PHF2: variants seen among roughly 807,000 people sequenced by gnomAD.
PHF2 encodes the protein lysine-specific demethylase PHF2.
PHF2 carries 27 observed loss-of-function variants against 120.5 expected under a neutral mutation model. The ratio of observed to expected loss-of-function variants is 0.22; its 90% confidence interval spans 0.17 to 0.31. The LOEUF (loss-of-function observed/expected upper bound fraction) is 0.31. Ranked by LOEUF, PHF2 falls within the 10% of genes least tolerant of loss-of-function variation. PHF2 has a pLI of 1.00. For missense variants in PHF2, 1,024 were observed against 1,434.8 expected (o/e 0.71, Z 4.63); for synonymous variants, 568 against 592.5 (o/e 0.96, Z 0.60).
intron 1 of PHF2, among the ~76,000 whole-genome samples, chr9:93,604,461 TTTTC>T (rs1825502268): frequency 6.6e-6 from 1 of 151,502 alleles, no homozygotes. Flanking sequence ...AATTTCTTTA[TTTTC>T]TTTCTTTTTT....
At chr9:93,639,154 T>A (rs1302756120) in intron 3 of PHF2, among the ~76,000 whole-genome samples, 1 of 152,256 alleles carries the variant, frequency 6.6e-6, no homozygotes, top group Non-Finnish European at 1.5e-5. Context: ...AATCTGTAGA[T>A]CACTCTGCAG....
intron 1 of PHF2, among the ~76,000 whole-genome samples, chr9:93,609,801 A>G (rs1384840285): frequency 2.6e-5 from 4 of 151,972 alleles, no homozygotes; most frequent in Admixed American, 1.3e-4. Context: ...GGTTGAGGCA[A>G]TTCTCCTGCC....
chr9:93,637,162 G>A (rs1471922556), intron 3 of PHF2, among the ~76,000 whole-genome samples: 1 of 152,054 alleles, frequency 6.6e-6, no homozygotes, highest in African/African-American at 2.4e-5. Context: ...TAAGTTGGTG[G>A]GTTTTTTTTC....
chr9:93,606,249 C>G (rs1825540992), intron 1 of PHF2, among the ~76,000 whole-genome samples: 1 of 152,182 alleles, frequency 6.6e-6, no homozygotes, highest in Admixed American at 6.5e-5. Context: ...GGATTACAGG[C>G]TGGGCGCCAC....
intron 2 of PHF2, among the ~76,000 whole-genome samples, chr9:93,633,426 T>C (rs746381890): frequency 4.6e-5 from 7 of 152,212 alleles, no homozygotes; most frequent in Non-Finnish European, 8.8e-5. Context: ...TCCTGACTTA[T>C]ACACAGTCAG....
intron 1 of PHF2, among the ~76,000 whole-genome samples, chr9:93,588,735 C>G (rs1420865243): frequency 6.6e-6 from 1 of 152,150 alleles, no homozygotes; most frequent in African/African-American, 2.4e-5. Flanking sequence ...ACTAAACATA[C>G]AAAAAATTAG....
intron 1 of PHF2, among the ~76,000 whole-genome samples, chr9:93,604,254 C>T (rs1425728667): frequency 6.6e-6 from 1 of 151,514 alleles, no homozygotes; most frequent in Non-Finnish European, 1.5e-5. Flanking sequence ...TGGCTCTCGA[C>T]TCCTGGGTGT....
At chr9:93,583,556 A>G (rs532968601) in intron 1 of PHF2, among the ~76,000 whole-genome samples, 1 of 147,766 alleles carries the variant, frequency 6.8e-6, no homozygotes, top group South Asian at 2.3e-4. Flanking sequence ...CCACATCCTC[A>G]CCAACACTTG....
chr9:93,648,258 G>A (rs887043399), intron 4 of PHF2, among the ~76,000 whole-genome samples: 1 of 152,212 alleles, frequency 6.6e-6, no homozygotes, highest in Non-Finnish European at 1.5e-5. Flanking sequence ...TGGTGTTGCT[G>A]AGCAGGTCTC....
In PHF2 at chr9:93,653,347, C is replaced by G; in HGVS notation, c.771C>G (p.Ala257=). 6.2e-7 allele frequency: 1 copy of G among 1,613,632 alleles called. No individual in the cohort carries two copies. Among genetic ancestry groups the G allele is most frequent in the Non-Finnish European group, 8.5e-7 (1 of 1,179,978 alleles). Residue 257 remains alanine, a synonymous_variant, in exon 6 of 22, where the codon GCC becomes GCG. Coordinates refer to ENST00000359246, the MANE Select transcript of PHF2 (RefSeq NM_005392.4). ...DFHIDSGGAS[A]WYHVLKGEKT... ...ACATCGACTCTGGGGGCGCCTCTGC[C>G]TGGTACCACGTGCTCAAGGTGAGCC...
chr9:93,655,335 T>G (rs12352026), intron 7 of PHF2, among the ~76,000 whole-genome samples: 20,457 of 151,936 alleles, frequency 0.13, 1,480 homozygotes, highest in Non-Finnish European at 0.17. Context: ...TTTTAATGAT[T>G]TATAAGGCTC....
intron 6 of PHF2, 58 bp downstream of exon 6, chr9:93,653,423 A>T: frequency 1.3e-6 from 2 of 1,550,826 alleles, no homozygotes; most frequent in Non-Finnish European, 1.8e-6. Context: ...CATCTGCAGG[A>T]TTGTCTGCAG....
chr9:93,664,304 G>A (rs931589917), intron 14 of PHF2, among the ~76,000 whole-genome samples: 2 of 152,108 alleles, frequency 1.3e-5, no homozygotes, highest in African/African-American at 4.8e-5. Flanking sequence ...GTGTGGGCAT[G>A]CTGGATGAGC....
intron 1 of PHF2, among the ~76,000 whole-genome samples, chr9:93,607,751 T>C (rs780510645): frequency 1.3e-5 from 2 of 152,232 alleles, no homozygotes; most frequent in Non-Finnish European, 2.9e-5. Flanking sequence ...ATTTTGAATG[T>C]AAATGATACC....
intron 1 of PHF2, among the ~76,000 whole-genome samples, chr9:93,620,357 C>T (rs1211310853): frequency 5.3e-5 from 8 of 152,226 alleles, no homozygotes; most frequent in Non-Finnish European, 1.2e-4. Context: ...GGGGCAGGGG[C>T]AGCAGGTGAG....
At chr9:93,629,387 A>G (rs1174002231) in intron 1 of PHF2, among the ~76,000 whole-genome samples, 1 of 152,100 alleles carries the variant, frequency 6.6e-6, no homozygotes, top group Non-Finnish European at 1.5e-5. Flanking sequence ...CTCTTGTTCT[A>G]AGTCTCCAAG....
chr9:93,642,625 G>A (rs1191153403), intron 3 of PHF2, among the ~76,000 whole-genome samples: 1 of 152,140 alleles, frequency 6.6e-6, no homozygotes, highest in Non-Finnish European at 1.5e-5. Flanking sequence ...TCTAGTTGCT[G>A]TTTCTTTATA....
At chr9:93,626,331 G>A (rs1825913960) in intron 1 of PHF2, among the ~76,000 whole-genome samples, 1 of 152,216 alleles carries the variant, frequency 6.6e-6, no homozygotes, top group South Asian at 2.1e-4. Context: ...TAATGACTGA[G>A]AATGTTGAGC....
intron 10 of PHF2, 99 bp from the exon 11 acceptor site, chr9:93,659,412 G>A: frequency 1.1e-6 from 1 of 935,650 alleles, no homozygotes; most frequent in Non-Finnish European, 1.7e-6. Context: ...ATGCTCATCT[G>A]AGTGGCTCGG....
Sources: gnomAD v4.1 joint callset for allele counts (sites outside exome capture counted in the v4.1 genomes callset) on GRCh38, gnomAD v4.1.1 for gene constraint, MANE v1.5 for transcripts, NCBI Gene and HGNC (gene_info 2026-07-23, HGNC 2026-07-21) for gene names.